The following RORA variants were observed in gnomAD, a reference collection of about 807,000 sequenced individuals.
The protein encoded by RORA is nuclear receptor ROR-alpha.
A neutral mutation model predicts 69.5 loss-of-function variants in RORA; 7 were observed. The observed-to-expected ratio is 0.10, with a 90% confidence interval of 0.06 to 0.19. The LOEUF (loss-of-function observed/expected upper bound fraction) is 0.19. RORA is among the 10% of genes least tolerant of loss of function. The pLI is 1.00. For missense variants in RORA, 457 were observed against 663.0 expected (o/e 0.69, Z 3.41); for synonymous variants, 261 against 240.8 (o/e 1.08, Z -0.78).
At chr15:60,884,305 T>A (rs2073727453) in intron 1 of RORA, among the ~76,000 whole-genome samples, 1 of 150,926 alleles carries the variant, frequency 6.6e-6, no homozygotes, top group Non-Finnish European at 1.5e-5. Context: ...CCCAGACCCA[T>A]GAATATGATT....
At chr15:60,642,618 T>C (rs2069963339) in intron 2 of RORA, among the ~76,000 whole-genome samples, 1 of 152,182 alleles carries the variant, frequency 6.6e-6, no homozygotes, top group South Asian at 2.1e-4. Flanking sequence ...CTGCTCGGCA[T>C]AGTGGTTCAC....
At chr15:61,008,333 T>C (rs1894987917) in intron 1 of RORA, among the ~76,000 whole-genome samples, 1 of 151,976 alleles carries the variant, frequency 6.6e-6, no homozygotes, top group African/African-American at 2.4e-5. Flanking sequence ...ATTTACTTTA[T>C]TGGGTTTAAG....
chr15:60,715,964 T>C (rs1317293441), intron 1 of RORA, among the ~76,000 whole-genome samples: 1 of 152,226 alleles, frequency 6.6e-6, no homozygotes, highest in Non-Finnish European at 1.5e-5. Context: ...CCACAAATGA[T>C]CTTACGCTAC....
chr15:60,748,044 C>T (rs950889965), intron 1 of RORA, among the ~76,000 whole-genome samples: 3 of 152,144 alleles, frequency 2.0e-5, no homozygotes, highest in Non-Finnish European at 2.9e-5. Context: ...CAAACTTGCT[C>T]GCCCCATGGT....
At chr15:60,853,846 T>C (rs2073351302) in intron 1 of RORA, among the ~76,000 whole-genome samples, 2 of 152,238 alleles carry the variant, frequency 1.3e-5, no homozygotes, top group Admixed American at 1.3e-4. Flanking sequence ...ATAAAATCTT[T>C]TACCATCCTT....
chr15:60,709,607 C>A (rs908928413), intron 1 of RORA, among the ~76,000 whole-genome samples: 8 of 151,558 alleles, frequency 5.3e-5, no homozygotes, highest in Non-Finnish European at 2.9e-5. Context: ...GAAGTGCACA[C>A]GTGAGGGATC....
intron 1 of RORA, among the ~76,000 whole-genome samples, chr15:60,880,946 A>T (rs1567223823): frequency 3.9e-5 from 6 of 152,156 alleles, no homozygotes; most frequent in Admixed American, 3.9e-4. Flanking sequence ...TTGCCACCTG[A>T]CACCTCAGCC....
chr15:61,066,755 C>A (rs897227964), intron 1 of RORA, among the ~76,000 whole-genome samples: 6 of 151,690 alleles, frequency 4.0e-5, no homozygotes, highest in African/African-American at 1.5e-4. Context: ...CACAGAATAC[C>A]CTTTCAAGAA....
intron 1 of RORA, among the ~76,000 whole-genome samples, chr15:61,014,610 T>C (rs1895216131): frequency 6.6e-6 from 1 of 152,200 alleles, no homozygotes; most frequent in African/African-American, 2.4e-5. Context: ...AAAATACAGG[T>C]TAACTAGGGT....
intron 1 of RORA, among the ~76,000 whole-genome samples, chr15:60,683,704 A>G (rs2070692956): frequency 1.3e-5 from 2 of 150,792 alleles, no homozygotes; most frequent in Non-Finnish European, 2.9e-5. Flanking sequence ...TTTCCAGGTA[A>G]TGCTTGAGCA....
At chr15:61,075,691 CAG>C (rs969720331) in intron 1 of RORA, among the ~76,000 whole-genome samples, 20 of 152,164 alleles carry the variant, frequency 1.3e-4, no homozygotes, top group African/African-American at 4.6e-4. Flanking sequence ...TGGATTTTCC[CAG>C]AGTCTCAAAG....
chr15:61,161,697 C>T (rs28379626), intron 1 of RORA, among the ~76,000 whole-genome samples: 6,367 of 152,048 alleles, frequency 0.042, 459 homozygotes, highest in African/African-American at 0.15. Context: ...CTTTAAACAG[C>T]AAGCAACTTA....
intron 1 of RORA, among the ~76,000 whole-genome samples, chr15:61,004,473 G>C (rs887411963): frequency 1.3e-5 from 2 of 151,980 alleles, no homozygotes; most frequent in Non-Finnish European, 2.9e-5. Flanking sequence ...AAGGCACATG[G>C]GGGCAGAGTG....
intron 2 of RORA, among the ~76,000 whole-genome samples, chr15:60,667,884 A>G (rs2070402878): frequency 1.3e-5 from 2 of 151,528 alleles, no homozygotes; most frequent in Admixed American, 1.3e-4. Flanking sequence ...CAGCCTCCCA[A>G]AGTGCTGGGT....
intron 1 of RORA, among the ~76,000 whole-genome samples, chr15:60,902,294 A>T (rs540443223): frequency 0.017 from 2,377 of 143,582 alleles, 26 homozygotes; most frequent in Non-Finnish European, 0.023. Context: ...TTTTTTTTTT[A>T]AAAAACAGAG....
chr15:60,842,667 C>T (rs879603838), intron 1 of RORA, among the ~76,000 whole-genome samples: 13 of 152,152 alleles, frequency 8.5e-5, no homozygotes, highest in East Asian at 1.9e-4. Context: ...TCTACCTGAA[C>T]GGATGCCCTG....
rs1455845331 is a variant in RORA, at chr15:60,944,664, G to A, written c.167-265978C>T. On this transcript the variant is annotated intron_variant, in intron 1 of 10. Coordinates refer to ENST00000335670, the MANE Select transcript of RORA (RefSeq NM_134261.3). ...TGCTTGAGCAAAAGGGGCAGAGGTT[G>A]CAGTGAGCTGAGATCATACCACTGT... Among the ~76,000 whole-genome samples the A allele has an allele frequency of 2.8e-5, 4 of 144,720 alleles. No homozygotes were observed. In the South Asian group the frequency reaches 8.8e-4, roughly 32 times the overall value. The allele number at this position is 144,720 out of a possible 152,430, so 94.9% of individuals were successfully genotyped here. A position where few individuals can be genotyped will look rare whatever the true frequency, so the allele number is the denominator to read the frequency against.
intron 1 of RORA, among the ~76,000 whole-genome samples, chr15:61,218,144 A>T (rs2080058167): frequency 6.6e-6 from 1 of 151,770 alleles, no homozygotes; most frequent in Non-Finnish European, 1.5e-5. Context: ...CACGCATCAC[A>T]AGTGAAGGGT....
At chr15:60,624,735 A>G (rs1158981169) in intron 2 of RORA, among the ~76,000 whole-genome samples, 1 of 152,052 alleles carries the variant, frequency 6.6e-6, no homozygotes, top group African/African-American at 2.4e-5. Flanking sequence ...CAATTTGGAT[A>G]GAAAGCACAG....
Sources: allele counts gnomAD v4.1 joint callset (sites outside exome capture counted in the v4.1 genomes callset), GRCh38; gene constraint gnomAD v4.1.1; transcripts MANE v1.5; gene names NCBI Gene and HGNC (gene_info 2026-07-23, HGNC 2026-07-21).